FN1: variants seen among roughly 807,000 people sequenced by gnomAD.
FN1 encodes the protein fibronectin 1.
A neutral mutation model predicts 297.3 loss-of-function variants in FN1; 106 were observed. The ratio of observed to expected loss-of-function variants is 0.36; its 90% CI spans 0.30 to 0.42. The LOEUF (loss-of-function observed/expected upper bound fraction) is 0.42, where lower values mean the gene tolerates loss of function less well. Ranked by LOEUF, FN1 falls within the 10% of genes least tolerant of loss-of-function variation. The pLI, the probability that FN1 is intolerant of heterozygous loss-of-function variation, is 1.00. For missense variants in FN1, 2,690 were observed against 3,124.9 expected (o/e 0.86, Z 3.32); for synonymous variants, 1,149 against 1,152.6 (o/e 1.00, Z 0.06).
chr2:215,427,314 A>C (rs1333906623), intron 6 of FN1, among the ~76,000 whole-genome samples: 1 of 152,204 alleles, frequency 6.6e-6, no homozygotes, highest in Non-Finnish European at 1.5e-5. Flanking sequence ...GAAAAATTAG[A>C]ACAATTAATA....
intron 27 of FN1, 86 bp downstream of exon 27, chr2:215,388,126 A>T (rs2059255091): frequency 1.0e-6 from 1 of 952,642 alleles, no homozygotes. Flanking sequence ...AAAAATGGAG[A>T]TGTATTTTTA....
intron 19 of FN1, 49 bp downstream of exon 19, chr2:215,406,189 A>C (rs1161698800): frequency 6.3e-7 from 1 of 1,587,466 alleles, no homozygotes; most frequent in Non-Finnish European, 8.6e-7. Flanking sequence ...ACAGGCTGCA[A>C]GTGAGGGTGG....
chr2:215,415,224 T>A (rs1207709610), intron 12 of FN1, among the ~76,000 whole-genome samples: 1 of 136,100 alleles, frequency 7.3e-6, no homozygotes, highest in Non-Finnish European at 1.6e-5. Context: ...AAAAAAAGTC[T>A]CTTGGCTTGC....
At chr2:215,388,517 C>T (rs923398860) in intron 26 of FN1, among the ~76,000 whole-genome samples, 1 of 152,198 alleles carries the variant, frequency 6.6e-6, no homozygotes, top group Non-Finnish European at 1.5e-5. Context: ...CATGGCCTCT[C>T]GAAGCCCTCC....
Position 215,428,170 on chromosome 2 carries a change from T to C in FN1, c.844+10A>G. ...CCCCATTTCCCGCCCCTGCTCGTCC[T>C]GTGCCTCACCGCTCGATGTGGTCTG... is the stretch of plus-strand genomic sequence containing the variant. On this transcript the variant is annotated intron_variant, in intron 6 of 45. Transcript: ENST00000354785. 6.2e-7 allele frequency: 1 copy of C among 1,613,898 alleles called. No individual in the cohort carries two copies. The highest frequency in any genetic ancestry group is 1.3e-5 in the African/African-American group (1 of 75,076).
chr2:215,396,576 G>C (rs909343475), intron 23 of FN1, among the ~76,000 whole-genome samples: 1 of 152,042 alleles, frequency 6.6e-6, no homozygotes, highest in African/African-American at 2.4e-5. Flanking sequence ...GTGTGAGAAG[G>C]AGTCTACAAA....
intron 29 of FN1, chr2:215,384,455 A>C: frequency 1.2e-5 from 6 of 493,138 alleles, no homozygotes; most frequent in Non-Finnish European, 2.2e-5. Flanking sequence ...TAGAAGTGGG[A>C]GAAGGTAAGC....
intron 25 of FN1, chr2:215,392,450 A>G (rs2059811622): frequency 5.1e-6 from 1 of 197,412 alleles, no homozygotes; most frequent in Non-Finnish European, 1.0e-5. Context: ...TCCTACCTCA[A>G]AACAATGCCC....
In FN1 at chr2:215,361,626, T is replaced by A; in HGVS notation, c.7363A>T (p.Asn2455Tyr). Residue 2455 changes from asparagine (N) to tyrosine (Y), a missense_variant and splice_region_variant, in exon 46 of 46, where the codon AAT (asparagine) becomes TAT (tyrosine). Coordinates refer to ENST00000354785, the MANE Select transcript of FN1 (RefSeq NM_212482.4). ...SQRYHQRTNT[N>Y]VNCPIECFMP... ...AAGCACTCAATTGGGCAATTAACAT[T>A]CTGTTAAAAAGGAAGAAGGAAAAAA... 1 of 1,607,804 alleles carries A rather than the reference T, an allele frequency of 6.2e-7. No individual in the cohort carries two copies. Among genetic ancestry groups the A allele is most frequent in the South Asian group, 1.1e-5 (1 of 90,938 alleles).
chr2:215,367,462 T>G (rs1349392813), intron 42 of FN1, among the ~76,000 whole-genome samples: 1 of 152,212 alleles, frequency 6.6e-6, no homozygotes, highest in African/African-American at 2.4e-5. Context: ...GGAGGCTGTT[T>G]TTGAGTCTAA....
rs140925328 is a variant in FN1 at position 215,386,832 on chromosome 2, C to T, written c.4469G>A (p.Gly1490Glu). The change falls in exon 28 of 46, where the codon GGG (glycine) becomes GAG (glutamate). Residue 1490 changes from glycine (G) to glutamate (E), a missense_variant. By Grantham distance (98) the Gly-to-Glu change is moderately conservative. Coordinates refer to ENST00000354785, the MANE Select transcript of FN1 (RefSeq NM_212482.4). ...GGGCACCCGATCTTCTCGAGGTCTC[C>T]CACTGAAGTGCTCGGGATGATGGCG... Reference protein sequence around the residue: ...RIRHHPEHFSGRPREDRVPHS... With the variant: ...RIRHHPEHFSERPREDRVPHS... The T allele has an allele frequency of 6.2e-7, 1 of 1,613,892 alleles. No individual in the cohort carries two copies. The highest frequency in any genetic ancestry group is 8.5e-7 in the Non-Finnish European group (1 of 1,179,970).
At chr2:215,380,598 C>T in intron 33 of FN1, 1 of 642,038 alleles carries the variant, frequency 1.6e-6, no homozygotes, top group Non-Finnish European at 2.7e-6. Context: ...GTGTATAAGC[C>T]AGGATACTCC....
chr2:215,425,028 T>C, intron 7 of FN1, 66 bp downstream of exon 7: 1 of 1,380,422 alleles, frequency 7.2e-7, no homozygotes, highest in Non-Finnish European at 1.0e-6. Context: ...ACATTGAAAA[T>C]GTATTGTCCT....
chr2:215,421,478 A>T (rs2064340787), intron 10 of FN1, among the ~76,000 whole-genome samples: 1 of 152,214 alleles, frequency 6.6e-6, no homozygotes, highest in Admixed American at 6.5e-5. Context: ...CCCACTGGAC[A>T]CCACAAAAGG....
chr2:215,423,608 G>A, intron 8 of FN1, 82 bp from the exon 9 acceptor site: 1 of 1,303,180 alleles, frequency 7.7e-7, no homozygotes, highest in Non-Finnish European at 1.1e-6. Flanking sequence ...GTCTGAGAGA[G>A]CCAGGTTTCT....
intron 42 of FN1, among the ~76,000 whole-genome samples, chr2:215,367,342 C>G (rs1015274455): frequency 2.0e-5 from 3 of 152,116 alleles, no homozygotes; most frequent in Non-Finnish European, 4.4e-5. Flanking sequence ...AGCAGATTAT[C>G]TGTTTTTTCT....
rs1488673600 is a variant in FN1 at position 215,394,671 on chromosome 2, C to A, written c.3653G>T (p.Gly1218Val). 3 of 1,614,144 alleles carry A rather than the reference C, an allele frequency of 1.9e-6. No homozygotes were observed. The highest frequency in any genetic ancestry group is 2.5e-6 in the Non-Finnish European group (3 of 1,180,012). ...ATGGACCACTTCTTCCAAAGAATTT[C>A]CCTGCTGGCCGTTTGTAGGGGTTGT... ...ITTTPTNGQQGNSLEEVVHAD... is the reference protein window; with the variant it reads ...ITTTPTNGQQVNSLEEVVHAD... The change falls in exon 24 of 46, where the codon GGA becomes GTA. Residue 1218 changes from glycine (G) to valine (V), a missense_variant. Transcript: ENST00000354785.
chr2:215,410,297 A>G (rs1393241693), intron 13 of FN1, among the ~76,000 whole-genome samples, 183 bp from the exon 14 acceptor site: 1 of 152,192 alleles, frequency 6.6e-6, no homozygotes, highest in Admixed American at 6.5e-5. Context: ...ATAGTTAGAT[A>G]TAATGCTAAC....
intron 12 of FN1, among the ~76,000 whole-genome samples, chr2:215,416,132 A>G (rs2063399978): frequency 1.3e-5 from 2 of 152,200 alleles, no homozygotes; most frequent in African/African-American, 4.8e-5. Context: ...AGCTTTCTGT[A>G]GCAGAAAAAA....
Sources: allele counts gnomAD v4.1 joint callset (sites outside exome capture counted in the v4.1 genomes callset), GRCh38; gene constraint gnomAD v4.1.1; transcripts MANE v1.5; gene names NCBI Gene and HGNC (gene_info 2026-07-23, HGNC 2026-07-21).